GUCY1A2: variants seen among roughly 807,000 people sequenced by gnomAD.
GUCY1A2 encodes the protein guanylate cyclase 1 soluble subunit alpha 2, also known as guanylate cyclase soluble subunit alpha-2.
In GUCY1A2, 27 loss-of-function variants were observed where a neutral mutation model predicts 63.5. The observed-to-expected ratio is 0.43, with a 90% confidence interval of 0.31 to 0.59. The LOEUF (loss-of-function observed/expected upper bound fraction) is 0.59. Ranked by LOEUF, GUCY1A2 falls within the 20% of genes least tolerant of loss-of-function variation. The pLI, the probability that GUCY1A2 is intolerant of heterozygous loss-of-function variation, is 0.11. For synonymous variants in GUCY1A2, 364 were observed against 343.5 expected, an observed-to-expected ratio of 1.06 and a Z score of -0.66; for missense variants, 768 against 913.3, an observed-to-expected ratio of 0.84 and a Z score of 2.05.
At chr11:106,787,192 A>C (rs1864571014) in intron 5 of GUCY1A2, among the ~76,000 whole-genome samples, 1 of 151,802 alleles carries the variant, frequency 6.6e-6, no homozygotes, top group Non-Finnish European at 1.5e-5. Flanking sequence ...TTAAATGTAC[A>C]ATTAAATTAT....
At chr11:107,008,252 T>A (rs1358986462) in intron 1 of GUCY1A2, among the ~76,000 whole-genome samples, 1 of 141,420 alleles carries the variant, frequency 7.1e-6, no homozygotes, top group Non-Finnish European at 1.5e-5. Context: ...GTACTCCAGC[T>A]TGGGCGACAG....
intron 6 of GUCY1A2, among the ~76,000 whole-genome samples, chr11:106,737,371 C>T (rs2135376148): frequency 6.6e-6 from 1 of 152,118 alleles, no homozygotes; most frequent in Admixed American, 6.5e-5. Flanking sequence ...TTTGGTGGCT[C>T]CACTTCTCTT....
intron 3 of GUCY1A2, among the ~76,000 whole-genome samples, chr11:106,975,597 C>T (rs117357643): frequency 6.6e-6 from 1 of 152,016 alleles, no homozygotes; most frequent in Admixed American, 6.6e-5. Context: ...TGGCAAAGCA[C>T]CAAAATATGG....
intron 6 of GUCY1A2, among the ~76,000 whole-genome samples, 157 bp downstream of exon 6, chr11:106,776,282 T>C (rs112604599): frequency 5.9e-5 from 9 of 152,304 alleles, no homozygotes; most frequent in African/African-American, 2.2e-4. Context: ...GTTCTTTTCC[T>C]GGATTTATGA....
At chr11:106,794,497 TACACACAC>T (rs10560155) in intron 5 of GUCY1A2, among the ~76,000 whole-genome samples, 26 of 150,232 alleles carry the variant, frequency 1.7e-4, no homozygotes, top group African/African-American at 5.8e-4. Flanking sequence ...ATGTCCTCAC[TACACACAC>T]ACACACACAC....
At chr11:106,748,157 C>A (rs1863822385) in intron 6 of GUCY1A2, among the ~76,000 whole-genome samples, 1 of 152,024 alleles carries the variant, frequency 6.6e-6, no homozygotes. Flanking sequence ...GATGACACAC[C>A]TTCAGAGCAT....
In GUCY1A2 at chr11:106,865,181, C is replaced by T. The variant is rs144195361; in HGVS notation, c.1207-54703G>A. 8.1e-3 allele frequency among the ~76,000 whole-genome samples: 1,238 copies of T among 152,100 alleles called. 14 individuals are homozygous for T. Among genetic ancestry groups the T allele is most frequent in the African/African-American group, 0.028 (1,181 of 41,508 alleles). ...TCTTCTGGATTTTCTAGTTTATTTG[C>T]GTAGAGGTGTTTATAGTATTCTCTG... On this transcript the variant is annotated intron_variant, in intron 4 of 7. Coordinates refer to ENST00000526355, the MANE Select transcript of GUCY1A2 (RefSeq NM_000855.3).
In GUCY1A2 at chr11:106,679,853, A is replaced by G. The variant is rs1047268622; in HGVS notation, c.*7696T>C. 2 of 217,394 alleles carry G rather than the reference A, an allele frequency of 9.2e-6. No individual in the cohort carries two copies. The highest frequency in any genetic ancestry group is 2.3e-5 in the African/African-American group (1 of 44,422). 13.5% of individuals were successfully genotyped at this position (217,394 alleles called of 1,614,324 possible). ...TATCTGCCACCTTCAGAAAGCATCT[A>G]TTTGTAGCTCTGTAAGCTTCTATCC... On this transcript the variant is annotated 3_prime_UTR_variant, in exon 8 of 8. Coordinates refer to ENST00000526355, the MANE Select transcript of GUCY1A2 (RefSeq NM_000855.3).
chr11:106,820,435 A>G (rs938955708), intron 4 of GUCY1A2, among the ~76,000 whole-genome samples: 18 of 152,056 alleles, frequency 1.2e-4, no homozygotes, highest in African/African-American at 1.7e-4. Context: ...GTCTCACTCT[A>G]TCACCCAGGC....
rs117657698 is a variant in GUCY1A2, at chr11:106,764,276, T to C, written c.1836+12163A>G. ...CTTAAGGAACAGGGAATAGCAATAATTTTTTAAGGAAAATTAAAGTTATTA... is the reference window on the plus strand; with the variant it reads ...CTTAAGGAACAGGGAATAGCAATAACTTTTTAAGGAAAATTAAAGTTATTA... On this transcript the variant is annotated intron_variant, in intron 6 of 7. Coordinates refer to ENST00000526355, the MANE Select transcript of GUCY1A2 (RefSeq NM_000855.3). Among the ~76,000 whole-genome samples, 30 of 152,186 alleles carry C rather than the reference T, an allele frequency of 2.0e-4. No homozygotes were observed. The East Asian group carries it at 5.8e-3, about 29-fold the overall frequency.
At chr11:106,914,000 A>AAAAG (rs1208457008) in intron 4 of GUCY1A2, among the ~76,000 whole-genome samples, 3 of 148,088 alleles carry the variant, frequency 2.0e-5, no homozygotes, top group South Asian at 2.1e-4. Flanking sequence ...AAAAAAAAAA[A>AAAAG]AAAGAAAGAA....
intron 7 of GUCY1A2, among the ~76,000 whole-genome samples, chr11:106,699,680 C>G (rs544055297): frequency 5.3e-5 from 8 of 152,320 alleles, no homozygotes; most frequent in Non-Finnish European, 8.8e-5. Context: ...TAAAGAAAAA[C>G]AGCAAAACTT....
At chr11:106,709,317 T>TTA (rs1171044651) in intron 6 of GUCY1A2, among the ~76,000 whole-genome samples, 5 of 57,144 alleles carry the variant, frequency 8.7e-5, no homozygotes, top group East Asian at 3.6e-4. Flanking sequence ...TTATATATAT[T>TTA]TATATATATT....
At chr11:106,694,860 A>G (rs185617899) in intron 7 of GUCY1A2, among the ~76,000 whole-genome samples, 248 of 152,176 alleles carry the variant, frequency 1.6e-3, no homozygotes, top group African/African-American at 5.7e-3. Context: ...ATCTCTTCTC[A>G]TGATTCTGTA....
chr11:106,872,390 T>C (rs1417805280), intron 4 of GUCY1A2, among the ~76,000 whole-genome samples: 1 of 152,166 alleles, frequency 6.6e-6, no homozygotes, highest in Non-Finnish European at 1.5e-5. Context: ...ACAACATTGC[T>C]ACATACCAGT....
chr11:106,729,563 TAG>T (rs1228676861), intron 6 of GUCY1A2, among the ~76,000 whole-genome samples: 1 of 152,102 alleles, frequency 6.6e-6, no homozygotes, highest in Non-Finnish European at 1.5e-5. Context: ...AACTGCTCTT[TAG>T]AAGTTCAGGA....
chr11:106,805,247 CA>C (rs1349701257), intron 5 of GUCY1A2, among the ~76,000 whole-genome samples: 4 of 60,770 alleles, frequency 6.6e-5, no homozygotes, highest in African/African-American at 2.5e-4. Context: ...TTATCACTAA[CA>C]TTTTTTTTTT....
intron 5 of GUCY1A2, 25 bp from the exon 6 acceptor site, chr11:106,776,607 G>A: frequency 6.2e-7 from 1 of 1,605,602 alleles, no homozygotes; most frequent in Non-Finnish European, 8.5e-7. Context: ...CAAATCAAAT[G>A]CAAACGTATG....
intron 4 of GUCY1A2, among the ~76,000 whole-genome samples, chr11:106,912,491 A>G (rs1860309070): frequency 2.0e-5 from 3 of 152,118 alleles, no homozygotes; most frequent in Non-Finnish European, 2.9e-5. Context: ...AAGTGCTACG[A>G]GGTTCAGGGG....
Sources: gnomAD v4.1 joint callset for allele counts (sites outside exome capture counted in the v4.1 genomes callset) on GRCh38, gnomAD v4.1.1 for gene constraint, MANE v1.5 for transcripts, NCBI Gene and HGNC (gene_info 2026-07-23, HGNC 2026-07-21) for gene names.